Variants in SCAF8 observed in about 807,000 individuals in gnomAD.
SCAF8 encodes SR-related and CTD-associated factor 8.
SCAF8 carries 23 observed loss-of-function variants against 140.5 expected under a neutral mutation model. That is an observed-to-expected ratio of 0.16 (90% confidence interval 0.12 to 0.23). SCAF8 has a LOEUF of 0.23. Among genes scored for constraint, SCAF8 ranks in the 10% least tolerant of loss-of-function variants. SCAF8 has a pLI of 1.00. For synonymous variants in SCAF8, 575 were observed against 528.9 expected, an observed-to-expected ratio of 1.09 and a Z score of -1.20; for missense variants, 1,397 against 1,555.7, an observed-to-expected ratio of 0.90 and a Z score of 1.72.
Position 154,760,166 on chromosome 6 carries a change from T to A in SCAF8, c.31-13823T>A, listed in dbSNP as rs548355393. Among the ~76,000 whole-genome samples, 5 of 152,222 alleles carry A rather than the reference T, an allele frequency of 3.3e-5. No homozygotes were observed. The East Asian group carries it at 9.7e-4, about 29-fold the overall frequency. On this transcript the variant is annotated intron_variant, in intron 1 of 19. Coordinates refer to ENST00000367178, the MANE Select transcript of SCAF8 (RefSeq NM_014892.5). ...AAAATTAGCCAGATGTAGTGGTGCATGCCTGTAATCCCAGCTACCTGGGAG... is the reference window on the plus strand; with the variant it reads ...AAAATTAGCCAGATGTAGTGGTGCAAGCCTGTAATCCCAGCTACCTGGGAG...
In SCAF8 at chr6:154,833,443, C is replaced by T. The variant is rs753053237; in HGVS notation, c.*48C>T. On this transcript the variant is annotated 3_prime_UTR_variant, in exon 20 of 20. Coordinates refer to ENST00000367178, the MANE Select transcript of SCAF8 (RefSeq NM_014892.5). ...TACCTTTTGTAAAGTTGTCATCTCT[C>T]TGTAATAGATAATGGCTGACTGGAC... The T allele has an allele frequency of 1.4e-5, 21 of 1,551,210 alleles. No individual in the cohort carries two copies. In the East Asian group the frequency reaches 4.5e-4, roughly 33 times the overall value.
intron 1 of SCAF8, among the ~76,000 whole-genome samples, chr6:154,754,130 G>GT (rs1778908579): frequency 6.6e-6 from 1 of 152,180 alleles, no homozygotes; most frequent in Admixed American, 6.5e-5. Flanking sequence ...GAGCTTAAGA[G>GT]TTTGAAGATC....
At chr6:154,807,402 A>G (rs757845712) in intron 9 of SCAF8, among the ~76,000 whole-genome samples, 2 of 152,270 alleles carry the variant, frequency 1.3e-5, no homozygotes, top group Non-Finnish European at 2.9e-5. Context: ...AACTGTTTTT[A>G]TAAGGTAGAT....
At chr6:154,797,068 G>A (rs377062744) in intron 6 of SCAF8, among the ~76,000 whole-genome samples, 39 of 151,220 alleles carry the variant, frequency 2.6e-4, no homozygotes, top group African/African-American at 9.2e-4. Flanking sequence ...TTCTTTTTTG[G>A]TTATTTGTAT....
At chr6:154,825,530 A>C (rs989277390) in intron 17 of SCAF8, among the ~76,000 whole-genome samples, 1 of 151,688 alleles carries the variant, frequency 6.6e-6, no homozygotes, top group Non-Finnish European at 1.5e-5. Flanking sequence ...GAAAGTAGCC[A>C]GGTGAGGTGG....
intron 1 of SCAF8, among the ~76,000 whole-genome samples, chr6:154,771,752 G>T (rs901988282): frequency 8.5e-5 from 13 of 152,118 alleles, no homozygotes; most frequent in African/African-American, 3.1e-4. Context: ...GAGGGAGGAA[G>T]GGGTTGAAAA....
intron 5 of SCAF8, among the ~76,000 whole-genome samples, chr6:154,793,729 C>T (rs1055415068): frequency 2.0e-5 from 3 of 147,624 alleles, no homozygotes; most frequent in African/African-American, 5.0e-5. Context: ...GCAGGAGAAT[C>T]GCTTGAACCC....
At chr6:154,742,738 ATTTC>A (rs1394772398) in intron 1 of SCAF8, among the ~76,000 whole-genome samples, 2 of 99,822 alleles carry the variant, frequency 2.0e-5, no homozygotes, top group Non-Finnish European at 3.7e-5. Context: ...TAACTTTGAC[ATTTC>A]TTTATTTATT....
intron 16 of SCAF8, among the ~76,000 whole-genome samples, 166 bp from the exon 17 acceptor site, chr6:154,824,068 T>C (rs1778494900): frequency 6.6e-6 from 1 of 152,088 alleles, no homozygotes; most frequent in South Asian, 2.1e-4. Flanking sequence ...TTGCCTTGTT[T>C]TTACCCTAAG....
chr6:154,752,155 T>C (rs1055999133), intron 1 of SCAF8, among the ~76,000 whole-genome samples: 3 of 152,210 alleles, frequency 2.0e-5, no homozygotes, highest in African/African-American at 4.8e-5. Context: ...TCCTAGTCTC[T>C]AGAGGCCTTT....
At chr6:154,755,453 C>G (rs1248695581) in intron 1 of SCAF8, among the ~76,000 whole-genome samples, 1 of 152,046 alleles carries the variant, frequency 6.6e-6, no homozygotes, top group Middle Eastern at 3.2e-3. Context: ...GGGGTTTTGT[C>G]ATGTCCAGTC....
At chr6:154,813,592 T>G (rs1317266611) in intron 12 of SCAF8, among the ~76,000 whole-genome samples, 2 of 152,166 alleles carry the variant, frequency 1.3e-5, no homozygotes, top group Non-Finnish European at 2.9e-5. Context: ...TAAGGTTTTG[T>G]GGTAGATTGG....
At position 154,820,678 on chromosome 6, in the gene SCAF8, C is replaced by T. The variant is rs201371039; in HGVS notation, c.1792+345C>T. The stretch of plus-strand genomic sequence containing the variant: ...GGGAACTTGAGAAGGTTTTTTGAAA[C>T]ACTTTGCAGATTATTTTGAGTAGTA... On this transcript the variant is annotated intron_variant, in intron 15 of 19. Transcript: ENST00000367178. Among the ~76,000 whole-genome samples the T allele has an allele frequency of 4.6e-5, 7 of 152,180 alleles. No homozygotes were observed. In the East Asian group the frequency reaches 1.4e-3, roughly 29 times the overall value.
chr6:154,819,783 G>A (rs1390415145), intron 14 of SCAF8, among the ~76,000 whole-genome samples: 1 of 152,106 alleles, frequency 6.6e-6, no homozygotes, highest in African/African-American at 2.4e-5. Context: ...AGGCACAGTG[G>A]CTCACACCTG....
rs562174317 is a variant in SCAF8, at chr6:154,760,835, G to A, written c.31-13154G>A. ...GTCTTGCTCTGTCACCCAGGCTGGAGTGCAGTGGCATGGTAAAGGCTCACT... is the reference window on the plus strand; with the variant it reads ...GTCTTGCTCTGTCACCCAGGCTGGAATGCAGTGGCATGGTAAAGGCTCACT... On this transcript the variant is annotated intron_variant, in intron 1 of 19. Transcript: ENST00000367178. Among the ~76,000 whole-genome samples the A allele has an allele frequency of 5.9e-5, 9 of 152,260 alleles. No individual in the cohort carries two copies. The South Asian group carries it at 6.2e-4, about 11-fold the overall frequency.
chr6:154,789,216 C>T (rs10872711), intron 4 of SCAF8, among the ~76,000 whole-genome samples: 1 of 151,798 alleles, frequency 6.6e-6, no homozygotes, highest in Non-Finnish European at 1.5e-5. Flanking sequence ...TCAAGTGATT[C>T]TCCTGCCTCA....
At position 154,824,337 on chromosome 6, in the gene SCAF8, C is replaced by A. The variant is rs190218045; in HGVS notation, c.2030C>A (p.Pro677His). 1.2e-6 allele frequency: 2 copies of A among 1,614,018 alleles called. No individual in the cohort carries two copies. The highest frequency in any genetic ancestry group is 1.7e-6 in the Non-Finnish European group (2 of 1,179,878). Residue 677 changes from proline (P) to histidine (H), a missense_variant, in exon 17 of 20, where the codon CCT (proline) becomes CAT (histidine). Physicochemically the swap from Pro to His is moderately conservative, Grantham distance 77 (BLOSUM62 -2). Coordinates refer to ENST00000367178, the MANE Select transcript of SCAF8 (RefSeq NM_014892.5). The stretch of plus-strand genomic sequence containing the variant: ...GGATTCAGTCCAATCCCTCCACCTC[C>A]TTTTTTAAGAGCAAGTTTTAACCCT... The part of the protein sequence containing the change: ...PPGFSPIPPP[P>H]FLRASFNPSQ...
intron 1 of SCAF8, among the ~76,000 whole-genome samples, chr6:154,750,459 C>A (rs1778811640): frequency 6.6e-6 from 1 of 152,080 alleles, no homozygotes; most frequent in South Asian, 2.1e-4. Flanking sequence ...GTCCTCCCTC[C>A]CTCCCTTTCC....
intron 14 of SCAF8, 25 bp from the exon 15 acceptor site, chr6:154,820,152 T>G: frequency 6.5e-7 from 1 of 1,548,914 alleles, no homozygotes; most frequent in Non-Finnish European, 8.7e-7. Context: ...TAACCTTTCT[T>G]TTTTCCTCTT....
Sources: allele counts gnomAD v4.1 joint callset (sites outside exome capture counted in the v4.1 genomes callset), GRCh38; gene constraint gnomAD v4.1.1; transcripts MANE v1.5; gene names NCBI Gene and HGNC (gene_info 2026-07-23, HGNC 2026-07-21).